The following CHN1 variants were observed in gnomAD, a reference collection of about 807,000 sequenced individuals.
CHN1 encodes chimerin 1.
Under a neutral mutation model 59.5 loss-of-function variants are expected in CHN1, and 37 were observed. The observed-to-expected ratio is 0.62, with a 90% CI of 0.48 to 0.82. The LOEUF (loss-of-function observed/expected upper bound fraction) is 0.82, where lower values mean the gene tolerates loss of function less well. Among genes scored for constraint, CHN1 ranks in the 40% least tolerant of loss-of-function variants. CHN1 has a pLI of 0.00. For missense variants in CHN1, 469 were observed against 571.0 expected (o/e 0.82, Z 1.82); for synonymous variants, 206 against 200.4 (o/e 1.03, Z -0.24).
chr2:174,871,677 C>A (rs1558960718), intron 6 of CHN1, among the ~76,000 whole-genome samples: 3 of 152,072 alleles, frequency 2.0e-5, no homozygotes, highest in Non-Finnish European at 1.5e-5. Context: ...CAAAGTGAGT[C>A]CAACTTAGTA....
rs575284345 is a variant in CHN1 at position 174,819,197 on chromosome 2, C to G, written c.712+5237G>C. 7.9e-5 allele frequency among the ~76,000 whole-genome samples: 12 copies of G among 152,224 alleles called. No individual in the cohort carries two copies. The South Asian group carries it at 2.5e-3, about 32-fold the overall frequency. On this transcript the variant is annotated intron_variant, in intron 8 of 12. Coordinates refer to ENST00000409900, the MANE Select transcript of CHN1 (RefSeq NM_001822.7). ...GTCTTACCAATTTCTCACTGGCTTA[C>G]AAGGACAAACGCAACTCTTTAGGTA...
At chr2:174,857,977 A>T (rs1376719773) in intron 6 of CHN1, among the ~76,000 whole-genome samples, 1 of 152,178 alleles carries the variant, frequency 6.6e-6, no homozygotes, top group Non-Finnish European at 1.5e-5. Flanking sequence ...ACTCAGATTG[A>T]TATTATTAGG....
At chr2:174,997,360 A>G (rs1691741743) in intron 1 of CHN1, among the ~76,000 whole-genome samples, 1 of 152,002 alleles carries the variant, frequency 6.6e-6, no homozygotes, top group African/African-American at 2.4e-5. Flanking sequence ...TAAAACTTCT[A>G]CTTTCTTTTC....
intron 3 of CHN1, among the ~76,000 whole-genome samples, chr2:174,934,976 C>T (rs1242604129): frequency 6.6e-6 from 1 of 152,202 alleles, no homozygotes; most frequent in Non-Finnish European, 1.5e-5. Context: ...AATATCCATC[C>T]TCTTCCCTGC....
intron 5 of CHN1, 75 bp from the exon 6 acceptor site, chr2:174,878,203 C>CAA: frequency 3.1e-6 from 4 of 1,292,262 alleles, no homozygotes; most frequent in Non-Finnish European, 3.1e-6. Context: ...AAAACAAAAA[C>CAA]AAAAAAAAAC....
intron 6 of CHN1, among the ~76,000 whole-genome samples, chr2:174,858,515 C>T (rs780441741): frequency 1.5e-4 from 23 of 152,172 alleles, no homozygotes; most frequent in Non-Finnish European, 2.5e-4. Flanking sequence ...TCCTGCCATA[C>T]ATTTAATTTT....
At position 174,929,556 on chromosome 2, in the gene CHN1, T is replaced by C. The variant is rs149905555; in HGVS notation, c.115-10991A>G. 9.6e-3 allele frequency among the ~76,000 whole-genome samples: 1,453 copies of C among 151,714 alleles called. 11 individuals are homozygous for C. The highest frequency in any genetic ancestry group is 0.023 in the South Asian group (112 of 4,810). On this transcript the variant is annotated intron_variant, in intron 3 of 12. Coordinates refer to ENST00000409900, the MANE Select transcript of CHN1 (RefSeq NM_001822.7). The stretch of plus-strand genomic sequence containing the variant: ...TCATGCCACTGCACTCCAGCCTGGG[T>C]GACAGAGTGAGACTCTATTTCAAAA...
intron 3 of CHN1, among the ~76,000 whole-genome samples, chr2:174,937,415 G>GT (rs1558989261): frequency 1.3e-5 from 2 of 152,186 alleles, no homozygotes; most frequent in African/African-American, 2.4e-5. Flanking sequence ...TCCTATCATT[G>GT]TAAGTAAGCA....
At chr2:174,917,709 T>C (rs553309374) in intron 4 of CHN1, among the ~76,000 whole-genome samples, 57 of 152,208 alleles carry the variant, frequency 3.7e-4, no homozygotes, top group Middle Eastern at 3.4e-3. Flanking sequence ...CCTCAACTCA[T>C]AGGTGTGCAT....
intron 5 of CHN1, among the ~76,000 whole-genome samples, chr2:174,880,289 C>T (rs1687693651): frequency 6.6e-6 from 1 of 152,120 alleles, no homozygotes; most frequent in South Asian, 2.1e-4. Flanking sequence ...TATGATTGAT[C>T]TTTTTAAAGA....
At chr2:174,905,921 A>C (rs1317374750) in intron 5 of CHN1, among the ~76,000 whole-genome samples, 2 of 152,226 alleles carry the variant, frequency 1.3e-5, no homozygotes, top group African/African-American at 4.8e-5. Flanking sequence ...CTTTAATGAG[A>C]TAGCACTTCA....
intron 5 of CHN1, among the ~76,000 whole-genome samples, chr2:174,889,401 T>C (rs1380453630): frequency 6.6e-6 from 1 of 152,016 alleles, no homozygotes; most frequent in Non-Finnish European, 1.5e-5. Context: ...TGGATATCTA[T>C]GAAATATCTG....
chr2:174,984,159 G>A (rs1353980728), intron 1 of CHN1, among the ~76,000 whole-genome samples: 1 of 151,912 alleles, frequency 6.6e-6, no homozygotes, highest in Non-Finnish European at 1.5e-5. Context: ...TATCCATGGG[G>A]AAAATAAACA....
intron 6 of CHN1, among the ~76,000 whole-genome samples, chr2:174,855,789 T>C (rs976258815): frequency 1.3e-5 from 2 of 152,180 alleles, no homozygotes; most frequent in Admixed American, 6.6e-5. Flanking sequence ...CTTTTAAGAA[T>C]TGTATACTTT....
chr2:174,824,648 G>C, intron 7 of CHN1, 130 bp from the exon 8 acceptor site: 1 of 419,110 alleles, frequency 2.4e-6, no homozygotes, highest in South Asian at 3.1e-5. Flanking sequence ...AAGAGAAATG[G>C]GGTCTCACTG....
chr2:175,000,927 G>C (rs1691870525), intron 1 of CHN1, among the ~76,000 whole-genome samples: 1 of 152,148 alleles, frequency 6.6e-6, no homozygotes, highest in Admixed American at 6.5e-5. Context: ...CTCTTTTAGA[G>C]ACAGGGTCTT....
intron 2 of CHN1, among the ~76,000 whole-genome samples, chr2:174,947,539 C>T (rs980804065): frequency 1.2e-4 from 18 of 148,110 alleles, no homozygotes; most frequent in African/African-American, 4.5e-4. Context: ...GGCTGGAGTG[C>T]AGTGGCACAC....
chr2:174,823,487 C>CTACTAATA (rs1685570534), intron 8 of CHN1, among the ~76,000 whole-genome samples: 2 of 151,926 alleles, frequency 1.3e-5, no homozygotes, highest in East Asian at 1.9e-4. Flanking sequence ...CATGGTGAAA[C>CTACTAATA]CCCGTCTCTA....
In CHN1 at chr2:174,817,303, A is replaced by G. The variant is rs1320221516; in HGVS notation, c.713-4821T>C. On this transcript the variant is annotated intron_variant, in intron 8 of 12. Transcript: ENST00000409900. ...ATAATTGATCTGGCAGGGTTTTTAAAATGCAGTGATAAAACTTGTTTTGTC... is the reference window on the plus strand; with the variant it reads ...ATAATTGATCTGGCAGGGTTTTTAAGATGCAGTGATAAAACTTGTTTTGTC... Among the ~76,000 whole-genome samples the G allele has an allele frequency of 2.6e-5, 4 of 152,284 alleles. No homozygotes were observed. In the East Asian group the frequency reaches 7.7e-4, roughly 29 times the overall value.
Sources: allele counts gnomAD v4.1 joint callset (sites outside exome capture counted in the v4.1 genomes callset), GRCh38; gene constraint gnomAD v4.1.1; transcripts MANE v1.5; gene names NCBI Gene and HGNC (gene_info 2026-07-23, HGNC 2026-07-21).